SDSL: variants seen among roughly 807,000 people sequenced by gnomAD.
SDSL encodes serine dehydratase like.
SDSL carries 26 observed loss-of-function variants against 27.6 expected under a neutral mutation model. The ratio of observed to expected loss-of-function variants is 0.94; its 90% CI spans 0.69 to 1.31. The LOEUF (loss-of-function observed/expected upper bound fraction) is 1.31, where lower values mean the gene tolerates loss of function less well. SDSL is among the 50% of genes most tolerant of loss of function. The probability of loss-of-function intolerance (pLI) is 0.00; values close to 1 mark genes in which losing one functional copy is unlikely to be tolerated. For missense variants in SDSL, 431 were observed against 423.5 expected (o/e 1.02, Z -0.16); for synonymous variants, 196 against 180.6 (o/e 1.09, Z -0.69).
At chr12:113,434,016 G>A in intron 4 of SDSL, 118 bp from the exon 5 acceptor site, 1 of 763,758 alleles carries the variant, frequency 1.3e-6, no homozygotes, top group Non-Finnish European at 2.2e-6. Context: ...GGTCTCATCT[G>A]CAGGGCTGTC....
At chr12:113,434,098 T>C (rs1407089478) in intron 4 of SDSL, 36 bp from the exon 5 acceptor site, 1 of 1,580,422 alleles carries the variant, frequency 6.3e-7, no homozygotes, top group Admixed American at 1.7e-5. Flanking sequence ...GCAGTCCCAC[T>C]CCCGGCTGTT....
rs1958025703 is a variant in SDSL at position 113,438,174 on chromosome 12, G to A, written c.*95G>A. 1.8e-6 allele frequency: 2 copies of A among 1,105,578 alleles called. No homozygotes were observed. Among genetic ancestry groups the A allele is most frequent in the Admixed American group, 2.3e-5 (1 of 43,116 alleles). The allele number at this position is 1,105,578 out of a possible 1,614,324, so 68.5% of individuals were successfully genotyped here. ...TCAGTGCTGGCAGATGGCAGTGGAAGCTGCCCTGTGCAACTGTGCTGGCTG... is the reference window on the plus strand; with the variant it reads ...TCAGTGCTGGCAGATGGCAGTGGAAACTGCCCTGTGCAACTGTGCTGGCTG... On this transcript the variant is annotated 3_prime_UTR_variant, in exon 8 of 8. Transcript: ENST00000403593.
At chr12:113,427,383 T>A (rs1957862245) in intron 1 of SDSL, 1 of 153,794 alleles carries the variant, frequency 6.5e-6, no homozygotes, top group African/African-American at 2.4e-5. Flanking sequence ...AATGCTGGGA[T>A]TACAGGCGTG....
intron 1 of SDSL, chr12:113,426,049 A>G (rs968481921): frequency 7.4e-6 from 3 of 405,420 alleles, no homozygotes; most frequent in African/African-American, 2.0e-5. Context: ...ATGGCTTTCC[A>G]TTGCAGGTAG....
chr12:113,429,403 C>A, intron 4 of SDSL, 104 bp downstream of exon 4: 3 of 1,284,398 alleles, frequency 2.3e-6, no homozygotes, highest in Middle Eastern at 2.0e-4. Context: ...TGAGCTGTGG[C>A]TGGGACCCAG....
Position 113,424,741 on chromosome 12 carries a change from C to CT in SDSL, c.-22+2277dup, listed in dbSNP as rs535956923. The stretch of plus-strand genomic sequence containing the variant: ...GACAGATGTTATTCTCTCTCTCTCT[C>CT]TTTTTTTTTTTTTAAAGACAGTCTC... On this transcript the variant is annotated intron_variant, in intron 1 of 7. Transcript: ENST00000403593. Among the ~76,000 whole-genome samples, 993 of 144,638 alleles carry CT rather than the reference C, an allele frequency of 6.9e-3. 4 individuals are homozygous for CT. Among genetic ancestry groups the CT allele is most frequent in the Non-Finnish European group, 9.4e-3 (620 of 65,692 alleles). 94.9% of individuals were successfully genotyped at this position (144,638 alleles called of 152,430 possible).
At chr12:113,425,646 T>G in intron 1 of SDSL, 1 of 455,506 alleles carries the variant, frequency 2.2e-6, no homozygotes, top group South Asian at 1.6e-5. Flanking sequence ...TTCCTCCATC[T>G]CTTCTTTTCG....
At chr12:113,437,117 C>T (rs530561994) in intron 7 of SDSL, 1 of 293,748 alleles carries the variant, frequency 3.4e-6, no homozygotes, top group East Asian at 7.5e-5. Context: ...TGGCCCTGCT[C>T]CCTATTGGTT....
chr12:113,429,437 G>C, intron 4 of SDSL, 138 bp downstream of exon 4: 1 of 987,780 alleles, frequency 1.0e-6, no homozygotes, highest in Non-Finnish European at 1.5e-6. Flanking sequence ...TAGCTGAGCT[G>C]AGGGGGGAAT....
intron 1 of SDSL, chr12:113,425,558 G>C (rs1231928080): frequency 2.4e-6 from 1 of 425,114 alleles, no homozygotes; most frequent in African/African-American, 2.0e-5. Flanking sequence ...GACCGGCCCA[G>C]TGCTTTTCTG....
At chr12:113,434,326 A>G in intron 5 of SDSL, 104 bp downstream of exon 5, 1 of 848,756 alleles carries the variant, frequency 1.2e-6, no homozygotes, top group South Asian at 2.1e-5. Context: ...CAGAGGGGAG[A>G]AGAGGCTTCA....
At chr12:113,431,641 T>C (rs564543773) in intron 4 of SDSL, among the ~76,000 whole-genome samples, 6 of 151,832 alleles carry the variant, frequency 4.0e-5, no homozygotes, top group African/African-American at 1.4e-4. Context: ...TGGCATGATC[T>C]TGGCTCACTG....
intron 7 of SDSL, 56 bp from the exon 8 acceptor site, chr12:113,437,830 G>A: frequency 2.0e-6 from 3 of 1,498,010 alleles, no homozygotes; most frequent in Non-Finnish European, 2.7e-6. Context: ...GGCCTGCTGA[G>A]CACCGAGTGG....
intron 4 of SDSL, among the ~76,000 whole-genome samples, chr12:113,429,546 C>T (rs931765704): frequency 6.6e-6 from 1 of 152,152 alleles, no homozygotes; most frequent in Non-Finnish European, 1.5e-5. Flanking sequence ...GGGAAGCTGA[C>T]GATGAACAGG....
intron 4 of SDSL, among the ~76,000 whole-genome samples, chr12:113,433,700 G>A (rs984616933): frequency 6.6e-6 from 1 of 152,212 alleles, no homozygotes; most frequent in Non-Finnish European, 1.5e-5. Flanking sequence ...CTGGCTGCTT[G>A]AACTCAACTA....
intron 4 of SDSL, among the ~76,000 whole-genome samples, chr12:113,431,909 C>T (rs1490572324): frequency 1.4e-5 from 2 of 146,962 alleles, no homozygotes; most frequent in African/African-American, 5.1e-5. Context: ...CCACGCCTGG[C>T]TATTTTTTTT....
At chr12:113,425,548 G>A in intron 1 of SDSL, 1 of 411,462 alleles carries the variant, frequency 2.4e-6, no homozygotes, top group South Asian at 1.8e-5. Flanking sequence ...GAATGGTGGG[G>A]ACCGGCCCAG....
At chr12:113,430,885 T>C (rs1380150997) in intron 4 of SDSL, among the ~76,000 whole-genome samples, 1 of 152,090 alleles carries the variant, frequency 6.6e-6, no homozygotes, top group Non-Finnish European at 1.5e-5. Context: ...CTGGGCAACA[T>C]AGTAAGAGCA....
At chr12:113,436,418 A>G (rs1422833712) in intron 6 of SDSL, among the ~76,000 whole-genome samples, 2 of 151,912 alleles carry the variant, frequency 1.3e-5, no homozygotes, top group Admixed American at 1.3e-4. Context: ...CCTCCCAAGT[A>G]GTTGGGATTA....
Sources: gnomAD v4.1 joint callset for allele counts (sites outside exome capture counted in the v4.1 genomes callset) on GRCh38, gnomAD v4.1.1 for gene constraint, MANE v1.5 for transcripts, NCBI Gene and HGNC (gene_info 2026-07-23, HGNC 2026-07-21) for gene names.